The following EPB41L5 variants were observed in gnomAD, a reference collection of about 807,000 sequenced individuals.
The protein encoded by EPB41L5 is band 4.1-like protein 5.
In EPB41L5, 55 loss-of-function variants were observed where a neutral mutation model predicts 106.6. The observed-to-expected ratio is 0.52, with a 90% confidence interval of 0.42 to 0.65. The LOEUF is 0.65. Among genes scored for constraint, EPB41L5 ranks in the 30% least tolerant of loss-of-function variants. The probability of loss-of-function intolerance (pLI) is 0.00; values close to 1 mark genes in which losing one functional copy is unlikely to be tolerated. For missense variants in EPB41L5, 871 were observed against 882.1 expected, an observed-to-expected ratio of 0.99 and a Z score of 0.16; for synonymous variants, 297 against 306.7, an observed-to-expected ratio of 0.97 and a Z score of 0.33.
At chr2:120,067,560 T>C (rs1011764088) in intron 3 of EPB41L5, among the ~76,000 whole-genome samples, 2 of 152,218 alleles carry the variant, frequency 1.3e-5, no homozygotes, top group African/African-American at 4.8e-5. Context: ...AGTGGAAATA[T>C]CTGGAATAGG....
At chr2:120,048,365 A>G (rs1354335750) in intron 3 of EPB41L5, among the ~76,000 whole-genome samples, 2 of 152,082 alleles carry the variant, frequency 1.3e-5, no homozygotes, top group East Asian at 3.9e-4. Flanking sequence ...TCAGGGATTC[A>G]GCTTCTTCCT....
chr2:120,090,216 A>T (rs1333607310), intron 11 of EPB41L5, 131 bp from the exon 12 acceptor site: 2 of 608,864 alleles, frequency 3.3e-6, no homozygotes, highest in Non-Finnish European at 5.3e-6. Flanking sequence ...TTATGTTGAT[A>T]CTATAAAGAG....
rs780767782 is a variant in EPB41L5 at position 120,164,822 on chromosome 2, C to CCTGT, written c.1888-11_1888-8dup. On this transcript the variant is annotated splice_polypyrimidine_tract_variant and intron_variant, in intron 21 of 24. Transcript: ENST00000263713. ...AGGGGTCATTTAACAATTCTAGATTCCTGTCTTCCATAGGAAGCTACAGAT... is the reference window on the plus strand; with the variant it reads ...AGGGGTCATTTAACAATTCTAGATTCCTGTCTGTCTTCCATAGGAAGCTACAGAT... 1 of 1,588,910 alleles carries CCTGT rather than the reference C, an allele frequency of 6.3e-7. No homozygotes were observed. Among genetic ancestry groups the CCTGT allele is most frequent in the Admixed American group, 1.8e-5 (1 of 55,200 alleles).
chr2:120,162,102 T>A (rs924057174), intron 21 of EPB41L5, among the ~76,000 whole-genome samples: 1 of 152,206 alleles, frequency 6.6e-6, no homozygotes, highest in African/African-American at 2.4e-5. Flanking sequence ...AGTGCTGGGA[T>A]TATAGGCAGC....
At chr2:120,034,474 C>T (rs1272992593) in intron 2 of EPB41L5, among the ~76,000 whole-genome samples, 1 of 152,122 alleles carries the variant, frequency 6.6e-6, no homozygotes, top group East Asian at 1.9e-4. Flanking sequence ...CAGCAGAAGA[C>T]TTGTGTGGCT....
intron 3 of EPB41L5, among the ~76,000 whole-genome samples, chr2:120,060,139 G>A (rs11123540): frequency 0.046 from 6,993 of 152,268 alleles, 228 homozygotes; most frequent in Non-Finnish European, 0.071. Flanking sequence ...GTGCAGAAAT[G>A]GGATCTCTTA....
chr2:120,035,913 A>G (rs1012712511), intron 2 of EPB41L5, among the ~76,000 whole-genome samples: 1 of 152,046 alleles, frequency 6.6e-6, no homozygotes, highest in African/African-American at 2.4e-5. Flanking sequence ...CCAGGTAAGG[A>G]GTGTTGATAC....
At chr2:120,026,192 T>G (rs1312757851) in intron 2 of EPB41L5, among the ~76,000 whole-genome samples, 1 of 152,220 alleles carries the variant, frequency 6.6e-6, no homozygotes, top group African/African-American at 2.4e-5. Context: ...TTTTTGGAAT[T>G]TTTTATTGAT....
chr2:120,025,984 A>C (rs1345120535), intron 2 of EPB41L5, among the ~76,000 whole-genome samples: 1 of 152,212 alleles, frequency 6.6e-6, no homozygotes, highest in East Asian at 1.9e-4. Flanking sequence ...CCATGCGGTC[A>C]TGGGTCAGAT....
At chr2:120,103,656 T>C (rs1684277093) in intron 16 of EPB41L5, among the ~76,000 whole-genome samples, 1 of 152,194 alleles carries the variant, frequency 6.6e-6, no homozygotes, top group Admixed American at 6.5e-5. Context: ...TTTGTCCTTA[T>C]GTAGAGTTCT....
At position 120,019,118 on chromosome 2, in the gene EPB41L5, C is replaced by T. The variant is rs370788301; in HGVS notation, c.34C>T (p.Arg12Trp). ...TTTCTTCCGTAGAACACTAGGGCGT[C>T]GGTCTATGCGTAAACATGCAGAGAA... is the stretch of plus-strand genomic sequence containing the variant. Reference protein sequence around the residue: ...LSFFRRTLGRRSMRKHAEKER... With the variant: ...LSFFRRTLGRWSMRKHAEKER... The change falls in exon 2 of 25, where the codon CGG becomes TGG. Residue 12 changes from arginine to tryptophan, a missense_variant. Coordinates refer to ENST00000263713, the MANE Select transcript of EPB41L5 (RefSeq NM_020909.4). 4.2e-5 allele frequency: 68 copies of T among 1,611,160 alleles called. No individual in the cohort carries two copies. Among genetic ancestry groups the T allele is most frequent in the South Asian group, 2.3e-4 (21 of 90,972 alleles).
chr2:120,109,838 T>G (rs543205562), intron 16 of EPB41L5, among the ~76,000 whole-genome samples: 22 of 152,350 alleles, frequency 1.4e-4, no homozygotes, highest in African/African-American at 5.0e-4. Context: ...CTTAATCTCT[T>G]GAACCCATTC....
At chr2:120,147,615 ACT>A (rs1177502095) in intron 20 of EPB41L5, among the ~76,000 whole-genome samples, 2 of 140,240 alleles carry the variant, frequency 1.4e-5, no homozygotes, top group Non-Finnish European at 3.1e-5. Flanking sequence ...ACAGAGCGAA[ACT>A]CTGTCTCAAA....
At chr2:120,015,104 A>G (rs894609712) in intron 1 of EPB41L5, among the ~76,000 whole-genome samples, 7 of 150,768 alleles carry the variant, frequency 4.6e-5, no homozygotes, top group Admixed American at 1.3e-4. Context: ...CGGGCGGATC[A>G]CGAGGTCAGG....
intron 16 of EPB41L5, among the ~76,000 whole-genome samples, chr2:120,111,520 A>G (rs1201386748): frequency 6.6e-6 from 1 of 152,162 alleles, no homozygotes; most frequent in East Asian, 1.9e-4. Context: ...AGAAGCACTG[A>G]CTTAGACCAG....
chr2:120,024,129 G>A (rs1342556956), intron 2 of EPB41L5, among the ~76,000 whole-genome samples: 7 of 152,086 alleles, frequency 4.6e-5, no homozygotes, highest in Admixed American at 1.3e-4. Context: ...GCAAACAGAG[G>A]CAATTTGACT....
At chr2:120,136,987 G>A (rs147242273) in intron 18 of EPB41L5, among the ~76,000 whole-genome samples, 126 of 152,024 alleles carry the variant, frequency 8.3e-4, no homozygotes, top group Non-Finnish European at 5.2e-4. Context: ...CACAAAACAA[G>A]TCTGAACATT....
At position 120,077,335 on chromosome 2, in the gene EPB41L5, TGC is replaced by T; in HGVS notation, c.714+20_714+21del. 1 of 1,591,990 alleles carries T rather than the reference TGC, an allele frequency of 6.3e-7. No individual in the cohort carries two copies. Among genetic ancestry groups the T allele is most frequent in the Non-Finnish European group, 8.6e-7 (1 of 1,168,404 alleles). ...GGTCAAGGTAAGCATTGTGTTGTGA[TGC>T]TTTTTTAAAAATTTATTCTTTGGAG... On this transcript the variant is annotated intron_variant, in intron 9 of 24. Coordinates refer to ENST00000263713, the MANE Select transcript of EPB41L5 (RefSeq NM_020909.4).
chr2:120,124,945 C>G (rs1685393497), intron 16 of EPB41L5, among the ~76,000 whole-genome samples: 1 of 152,098 alleles, frequency 6.6e-6, no homozygotes, highest in Non-Finnish European at 1.5e-5. Flanking sequence ...TGTAAAAGTA[C>G]TTTTTCCTGT....
Sources: allele counts gnomAD v4.1 joint callset (sites outside exome capture counted in the v4.1 genomes callset), GRCh38; gene constraint gnomAD v4.1.1; transcripts MANE v1.5; gene names NCBI Gene and HGNC (gene_info 2026-07-23, HGNC 2026-07-21).